Variants in ABCG5 observed in about 807,000 individuals in gnomAD.
ABCG5 encodes the protein ATP binding cassette subfamily G member 5.
Under a neutral mutation model 64.5 loss-of-function variants are expected in ABCG5, and 64 were observed. The observed-to-expected ratio is 0.99, with a 90% CI of 0.81 to 1.22. The LOEUF (loss-of-function observed/expected upper bound fraction) is 1.22, where lower values mean the gene tolerates loss of function less well. Among genes scored for constraint, ABCG5 ranks in the 50% most tolerant of loss-of-function variants. ABCG5 has a pLI of 0.00. For missense variants in ABCG5, 908 were observed against 829.5 expected (o/e 1.09, Z -1.16); for synonymous variants, 385 against 326.3 (o/e 1.18, Z -1.94).
downstream of ABCG5, chr2:43,809,719 C>T: frequency 6.2e-7 from 1 of 1,611,780 alleles, no homozygotes; most frequent in South Asian, 1.1e-5. Context: ...TGGAACAGTA[C>T]AAAAGAAGTT....
chr2:43,825,067 G>A (rs1470041340), intron 6 of ABCG5, 49 bp from the exon 7 acceptor site: 2 of 1,605,080 alleles, frequency 1.2e-6, no homozygotes, highest in Non-Finnish European at 1.7e-6. Context: ...GGGTAGCGAT[G>A]CACTTTGAAT....
chr2:43,828,053 G>A lies in ABCG5; in HGVS notation c.564C>T (p.Tyr188=), dbSNP rs201251821. The change falls in exon 5 of 13, where the codon TAC becomes TAT. Residue 188 remains tyrosine (Y), a synonymous_variant. Coordinates refer to ENST00000405322, the MANE Select transcript of ABCG5 (RefSeq NM_022436.3). The part of the protein sequence containing the change: ...SHVADRLIGN[Y]SLGGISTGER... ...CACCCGTGGAAATGCCCCCCAAGCTGTAGTTGCCAATCAGTCGGTCTGCCA... is the reference window on the plus strand; with the variant it reads ...CACCCGTGGAAATGCCCCCCAAGCTATAGTTGCCAATCAGTCGGTCTGCCA... 6.8e-6 allele frequency: 11 copies of A among 1,614,158 alleles called. No homozygotes were observed. The highest frequency in any genetic ancestry group is 9.3e-6 in the Non-Finnish European group (11 of 1,180,038).
In ABCG5 at chr2:43,838,770, G is replaced by A. The variant is rs1486110518; in HGVS notation, c.-91C>T. On this transcript the variant is annotated 5_prime_UTR_variant, in exon 1 of 13. Coordinates refer to ENST00000405322, the MANE Select transcript of ABCG5 (RefSeq NM_022436.3). The surrounding 1 kb of genome is among the most constrained non-coding windows in gnomAD (Gnocchi z 4.2). ...TGGGGAGCCCGTGGCAGACTGCCCT[G>A]CCTGCTCCACCTGACCCCGGAGTCC... 8 of 1,566,130 alleles carry A rather than the reference G, an allele frequency of 5.1e-6. No individual in the cohort carries two copies. In the African/African-American group the frequency reaches 8.1e-5, roughly 16 times the overall value.
In ABCG5 at chr2:43,838,084, G is replaced by C. The variant is rs1668397267; in HGVS notation, c.144-129C>G. 12 of 1,277,740 alleles carry C rather than the reference G, an allele frequency of 9.4e-6. No homozygotes were observed. In the South Asian group the frequency reaches 1.5e-4, roughly 16 times the overall value. The allele number at this position is 1,277,740 out of a possible 1,614,324, so 79.2% of individuals were successfully genotyped here. ...CCGGACAGGCTCCTAACGTGTTTCA[G>C]TCTCTGCGCCCTCCTCTGTAGAACC... On this transcript the variant is annotated intron_variant, in intron 1 of 12. Transcript: ENST00000405322. This position sits in a 1 kb window ranked among gnomAD's most constrained non-coding sequence, Gnocchi z 4.2.
chr2:43,833,120 G>T (rs1045654447), intron 2 of ABCG5, among the ~76,000 whole-genome samples: 8 of 151,968 alleles, frequency 5.3e-5, no homozygotes, highest in Admixed American at 3.9e-4. Flanking sequence ...AAGGTTAAAG[G>T]TTAGGTGATG....
intron 2 of ABCG5, chr2:43,832,654 CTGGCT>C (rs919650308): frequency 2.3e-4 from 38 of 162,762 alleles, no homozygotes; most frequent in Admixed American, 1.9e-3. Flanking sequence ...TTGAGAAGCA[CTGGCT>C]TGGTAAGTCC....
downstream of ABCG5, among the ~76,000 whole-genome samples, chr2:43,811,750 A>G (rs1289813793): frequency 1.3e-5 from 2 of 152,008 alleles, no homozygotes; most frequent in African/African-American, 4.8e-5. Context: ...GCCTGCCACC[A>G]TGCCCAGCTA....
chr2:43,838,852 G>C, upstream of ABCG5: 1 of 1,312,718 alleles, frequency 7.6e-7, no homozygotes, highest in Non-Finnish European at 1.1e-6. The surrounding 1 kb of genome is among the most constrained non-coding windows in gnomAD (Gnocchi z 4.2). Flanking sequence ...TGTACCTTTA[G>C]CCAGCGCGTC....
intron 9 of ABCG5, among the ~76,000 whole-genome samples, chr2:43,823,190 T>A (rs1667355730): frequency 1.3e-5 from 2 of 152,124 alleles, no homozygotes; most frequent in South Asian, 4.1e-4. Context: ...TGGGGAGTTG[T>A]CACCAATTCA....
chr2:43,814,382 TA>T, intron 12 of ABCG5, 94 bp downstream of exon 12: 1 of 812,622 alleles, frequency 1.2e-6, no homozygotes, highest in Non-Finnish European at 2.1e-6. Flanking sequence ...TGAATTATTA[TA>T]AAACACAGTT....
At chr2:43,823,374 T>G (rs1307036781) in intron 9 of ABCG5, among the ~76,000 whole-genome samples, 1 of 139,270 alleles carries the variant, frequency 7.2e-6, no homozygotes, top group Non-Finnish European at 1.5e-5. Context: ...TTGCCCCTCA[T>G]GTCAAGCTCT....
chr2:43,812,971 C>G lies in ABCG5; in HGVS notation c.*145G>C. ...CATTGCATTCAAGGCCTGCTTGGAT[C>G]CAAGAGGCACAAATGGAGTCTTAAT... is the stretch of plus-strand genomic sequence containing the variant. On this transcript the variant is annotated 3_prime_UTR_variant, in exon 13 of 13. Coordinates refer to ENST00000405322, the MANE Select transcript of ABCG5 (RefSeq NM_022436.3). 1 of 672,548 alleles carries G rather than the reference C, an allele frequency of 1.5e-6. No individual in the cohort carries two copies. The allele number at this position is 672,548 out of a possible 1,614,324, so 41.7% of individuals were successfully genotyped here.
chr2:43,837,446 C>A (rs1194862828), intron 2 of ABCG5, among the ~76,000 whole-genome samples: 2 of 152,026 alleles, frequency 1.3e-5, no homozygotes, highest in African/African-American at 4.8e-5. Flanking sequence ...ATTGTATGTC[C>A]AAAATATACC....
intron 11 of ABCG5, among the ~76,000 whole-genome samples, chr2:43,818,933 G>C (rs536727291): frequency 6.6e-6 from 1 of 152,140 alleles, no homozygotes; most frequent in Admixed American, 6.5e-5. Flanking sequence ...AGTGGTAGAG[G>C]AAGTTTCTGA....
intron 10 of ABCG5, among the ~76,000 whole-genome samples, chr2:43,821,174 A>G (rs778599048): frequency 6.6e-6 from 1 of 152,132 alleles, no homozygotes; most frequent in Non-Finnish European, 1.5e-5. Context: ...TTTCCTCTGT[A>G]CAAATCATGA....
upstream of ABCG5, chr2:43,838,923 T>A (rs1668452935): frequency 8.3e-7 from 1 of 1,211,954 alleles, no homozygotes; most frequent in East Asian, 2.6e-5. The surrounding 1 kb of genome is among the most constrained non-coding windows in gnomAD (Gnocchi z 4.2). Flanking sequence ...CAAGGAATGC[T>A]GGGAGAGACG....
chr2:43,822,979 G>C, intron 9 of ABCG5, 44 bp from the exon 10 acceptor site: 1 of 1,609,800 alleles, frequency 6.2e-7, no homozygotes, highest in Non-Finnish European at 8.5e-7. Context: ...TCACCACCCA[G>C]CTGAAAAAGG....
At chr2:43,810,262 G>A, downstream of ABCG5, 2 of 702,514 alleles carry the variant, frequency 2.8e-6, no homozygotes, top group Non-Finnish European at 3.5e-6. Context: ...ACATTCCCAG[G>A]TCCCCACACC....
At position 43,823,989 on chromosome 2, in the gene ABCG5, G is replaced by T; in HGVS notation, c.1248C>A (p.Ile416=). ...GGTAAAGGAGACCTACGCGGTCCTG[G>T]ATAGCACCCTTTAGCACATTGCTTC... is the stretch of plus-strand genomic sequence containing the variant. ...RVRSNVLKGA[I]QDRVGLLYQF... The change falls in exon 9 of 13, where the codon ATC becomes ATA. Residue 416 remains isoleucine, a synonymous_variant. Transcript: ENST00000405322. The T allele has an allele frequency of 6.2e-7, 1 of 1,614,230 alleles. No individual in the cohort carries two copies. The highest frequency in any genetic ancestry group is 2.2e-5 in the East Asian group (1 of 44,886).
Sources: allele counts gnomAD v4.1 joint callset (sites outside exome capture counted in the v4.1 genomes callset), GRCh38; gene constraint gnomAD v4.1.1; non-coding constraint Gnocchi (gnomAD v3.1); transcripts MANE v1.5; gene names NCBI Gene and HGNC (gene_info 2026-07-23, HGNC 2026-07-21).